Variants in STX3 observed in about 807,000 individuals in gnomAD.
STX3 encodes syntaxin-3.
Under a neutral mutation model 40.2 loss-of-function variants are expected in STX3, and 19 were observed. That is an observed-to-expected ratio of 0.47 (90% CI 0.33 to 0.69). The LOEUF (loss-of-function observed/expected upper bound fraction) is 0.69, where lower values mean the gene tolerates loss of function less well. Ranked by LOEUF, STX3 falls within the 30% of genes least tolerant of loss-of-function variation. The probability of loss-of-function intolerance (pLI) is 0.02; values close to 1 mark genes in which losing one functional copy is unlikely to be tolerated. For missense variants in STX3, 364 were observed against 366.7 expected (o/e 0.99, Z 0.06); for synonymous variants, 122 against 132.2 (o/e 0.92, Z 0.53).
chr11:59,758,101 G>A (rs908273228), intron 1 of STX3, among the ~76,000 whole-genome samples: 4 of 152,094 alleles, frequency 2.6e-5, no homozygotes, highest in African/African-American at 4.8e-5. Context: ...AGGGCTTTCC[G>A]TGCCTGTGAT....
In STX3 at chr11:59,792,104, C is replaced by T. The variant is rs1865212663; in HGVS notation, c.358-3C>T. The T allele has an allele frequency of 3.7e-6, 6 of 1,612,938 alleles. No individual in the cohort carries two copies. The highest frequency in any genetic ancestry group is 3.3e-5 in the South Asian group (3 of 90,826). ...CCTGACTGCATTTTACATCATCCCA[C>T]AGCACTCTGTCCTTTCTCGGAAGTT... On this transcript the variant is annotated splice_region_variant and splice_polypyrimidine_tract_variant and intron_variant, in intron 5 of 10. Transcript: ENST00000337979.
chr11:59,792,148 A>G lies in STX3; in HGVS notation c.399A>G (p.Lys133=). 2.5e-6 allele frequency: 4 copies of G among 1,614,118 alleles called. No individual in the cohort carries two copies. The highest frequency in any genetic ancestry group is 3.4e-6 in the Non-Finnish European group (4 of 1,180,020). The change falls in exon 6 of 11, where the codon AAA becomes AAG. Residue 133 remains lysine (K), a synonymous_variant. Transcript: ENST00000337979. ...GGAAGTTTGTGGAGGTGATGACCAA[A>G]TACAATGAAGCTCAAGTGGACTTCC... ...LSRKFVEVMT[K]YNEAQVDFRE...
At chr11:59,779,277 G>A (rs1864197881) in intron 2 of STX3, among the ~76,000 whole-genome samples, 1 of 152,288 alleles carries the variant, frequency 6.6e-6, no homozygotes, top group East Asian at 1.9e-4. Context: ...CAGCATGATC[G>A]GGTTCTGGTG....
In STX3 at chr11:59,805,337, A is replaced by G. The variant is rs1162844360; in HGVS notation, c.*4513A>G. ...TTATGTAACTAAAATTGATGAAAAA[A>G]TCACACTATACAACTGTGAGGAGCA... On this transcript the variant is annotated 3_prime_UTR_variant, in exon 11 of 11. Coordinates refer to ENST00000337979, the MANE Select transcript of STX3 (RefSeq NM_004177.5). 4 of 152,324 alleles carry G rather than the reference A, an allele frequency of 2.6e-5. No individual in the cohort carries two copies. The East Asian group carries it at 7.7e-4, about 29-fold the overall frequency. The allele number at this position is 152,324 out of a possible 1,614,324, so 9.4% of individuals were successfully genotyped here.
chr11:59,781,518 G>T, intron 2 of STX3: 4 of 1,613,822 alleles, frequency 2.5e-6, no homozygotes, highest in East Asian at 2.2e-5. Context: ...CTCTCCCAGG[G>T]TACAAGAAAA....
rs544735303 is a variant in STX3 at position 59,803,149 on chromosome 11, T to C, written c.*2325T>C. 4 of 1,230,132 alleles carry C rather than the reference T, an allele frequency of 3.3e-6. No individual in the cohort carries two copies. The highest frequency in any genetic ancestry group is 1.6e-5 in the African/African-American group (1 of 64,490). The allele number at this position is 1,230,132 out of a possible 1,614,324, so 76.2% of individuals were successfully genotyped here. A position where few individuals can be genotyped will look rare whatever the true frequency, so the allele number is the denominator to read the frequency against. ...CCTCTTCCATGTCCACATGCACTTA[T>C]CTCCCTGCAGAATACTTTTTGCGAT... is the stretch of plus-strand genomic sequence containing the variant. On this transcript the variant is annotated 3_prime_UTR_variant, in exon 11 of 11. Transcript: ENST00000337979.
At chr11:59,784,023 C>T (rs2031182382) in intron 2 of STX3, among the ~76,000 whole-genome samples, 1 of 152,138 alleles carries the variant, frequency 6.6e-6, no homozygotes, top group Non-Finnish European at 1.5e-5. Context: ...GCGGATAGAG[C>T]ACCCAGGACC....
rs751189440 is a variant in STX3 at position 59,764,005 on chromosome 11, C to T, written c.30+8370C>T. On this transcript the variant is annotated intron_variant, in intron 1 of 10. Transcript: ENST00000337979. ...TGCACTCCAGCCTGGGCAACAAGAG[C>T]GAAACTCCGTCTCAAAAAAAAAAAA... Among the ~76,000 whole-genome samples the T allele has an allele frequency of 1.1e-4, 17 of 148,950 alleles. 1 individual carries two copies. Among genetic ancestry groups the T allele is most frequent in the South Asian group, 4.2e-4 (2 of 4,748 alleles).
At position 59,801,991 on chromosome 11, in the gene STX3, C is replaced by G; in HGVS notation, c.*1167C>G. The G allele has an allele frequency of 1.0e-6, 1 of 985,392 alleles. No homozygotes were observed. Among genetic ancestry groups the G allele is most frequent in the Non-Finnish European group, 1.2e-6 (1 of 829,920 alleles). The allele number at this position is 985,392 out of a possible 1,614,324, so 61.0% of individuals were successfully genotyped here. A position where few individuals can be genotyped will look rare whatever the true frequency, so the allele number is the denominator to read the frequency against. On this transcript the variant is annotated 3_prime_UTR_variant, in exon 11 of 11. Transcript: ENST00000337979. ...GAACTCTGGAGTGAGCTAAATTGAT[C>G]CCAATTAAGTTTTTCTGCTTAGCAG...
chr11:59,803,974 C>T lies in STX3; in HGVS notation c.*3150C>T, dbSNP rs1865991445. The stretch of plus-strand genomic sequence containing the variant: ...TCTTAAGAAACAGGGCACCAATCAA[C>T]TACTTATTAAGAATTATGCAAAGAA... On this transcript the variant is annotated 3_prime_UTR_variant, in exon 11 of 11. Coordinates refer to ENST00000337979, the MANE Select transcript of STX3 (RefSeq NM_004177.5). 1.3e-5 allele frequency: 2 copies of T among 153,050 alleles called. No individual in the cohort carries two copies. Among genetic ancestry groups the T allele is most frequent in the African/African-American group, 4.8e-5 (2 of 41,434 alleles). 9.5% of individuals were successfully genotyped at this position (153,050 alleles called of 1,614,324 possible).
At chr11:59,799,076 G>T (rs1865713737) in intron 10 of STX3, among the ~76,000 whole-genome samples, 1 of 151,872 alleles carries the variant, frequency 6.6e-6, no homozygotes, top group African/African-American at 2.4e-5. Context: ...TTTTTGTAGA[G>T]ATGGAGTTTT....
At chr11:59,755,339 G>A, upstream of STX3, 3 of 299,886 alleles carry the variant, frequency 1.0e-5, no homozygotes, top group Non-Finnish European at 1.8e-5. Flanking sequence ...GCGGGTCCAG[G>A]GCGGATCAGC....
At chr11:59,800,326 T>C (rs1386237072) in intron 10 of STX3, 4 of 985,400 alleles carry the variant, frequency 4.1e-6, no homozygotes, top group Non-Finnish European at 4.8e-6. Context: ...AAGATCATAG[T>C]ATCCTCATTT....
chr11:59,786,188 AT>A (rs1864757459), intron 2 of STX3, among the ~76,000 whole-genome samples: 1 of 150,450 alleles, frequency 6.6e-6, no homozygotes, highest in African/African-American at 2.5e-5. Context: ...TGAGACCTTC[AT>A]TGCCTAGTAT....
chr11:59,783,221 A>C (rs944169119), intron 2 of STX3, among the ~76,000 whole-genome samples: 2 of 152,342 alleles, frequency 1.3e-5, no homozygotes, highest in East Asian at 3.9e-4. Context: ...CCATTCTCCC[A>C]AAACAGTGGA....
Position 59,793,079 on chromosome 11 carries a change from C to T in STX3, c.467-20C>T. 1 of 1,612,158 alleles carries T rather than the reference C, an allele frequency of 6.2e-7. No individual in the cohort carries two copies. ...TCACCGTGATCTTATATTTGACGCT[C>T]TACTTCTTTTGTTACAAAGCTGGCA... On this transcript the variant is annotated intron_variant, in intron 6 of 10. Transcript: ENST00000337979.
chr11:59,760,548 T>G (rs1199002070), intron 1 of STX3, among the ~76,000 whole-genome samples: 1 of 152,142 alleles, frequency 6.6e-6, no homozygotes, highest in Non-Finnish European at 1.5e-5. Context: ...GGTCAGTGTT[T>G]CTAGTACTTC....
chr11:59,755,779 C>G (rs1862678898), intron 1 of STX3, 144 bp downstream of exon 1: 1 of 1,129,780 alleles, frequency 8.9e-7, no homozygotes, highest in Admixed American at 3.4e-5. Context: ...CGCGCCGGTT[C>G]CGCACCCTCC....
chr11:59,765,730 G>A (rs1863249374), intron 1 of STX3, among the ~76,000 whole-genome samples: 1 of 152,168 alleles, frequency 6.6e-6, no homozygotes, highest in Non-Finnish European at 1.5e-5. Flanking sequence ...CTTGAACACA[G>A]GAGGCAGAGG....
Sources: allele counts gnomAD v4.1 joint callset (sites outside exome capture counted in the v4.1 genomes callset), GRCh38; gene constraint gnomAD v4.1.1; transcripts MANE v1.5; gene names NCBI Gene and HGNC (gene_info 2026-07-23, HGNC 2026-07-21).